The following PACS2 variants were observed in gnomAD, a reference collection of about 807,000 sequenced individuals.
The protein encoded by PACS2 is phosphofurin acidic cluster sorting protein 2, also known as PACS1-like protein.
A neutral mutation model predicts 113.0 loss-of-function variants in PACS2; 36 were observed. The ratio of observed to expected loss-of-function variants is 0.32; its 90% CI spans 0.24 to 0.42. The LOEUF (loss-of-function observed/expected upper bound fraction) is 0.42. Among genes scored for constraint, PACS2 ranks in the 10% least tolerant of loss-of-function variants. The probability of loss-of-function intolerance (pLI) is 1.00; values close to 1 mark genes in which losing one functional copy is unlikely to be tolerated. For synonymous variants in PACS2, 589 were observed against 536.1 expected, an observed-to-expected ratio of 1.10 and a Z score of -1.36; for missense variants, 1,015 against 1,239.5, an observed-to-expected ratio of 0.82 and a Z score of 2.72.
chr14:105,324,117 A>G lies in PACS2; in HGVS notation c.119+9080A>G, dbSNP rs1466438277. On this transcript the variant is annotated intron_variant, in intron 1 of 24. Transcript: ENST00000447393. The surrounding 1 kb of genome is among the most constrained non-coding windows in gnomAD (Gnocchi z 4.7). ...AAGGATGCTTTCCTTGGATCTGGGC[A>G]CTAGAACCAGCCCTTTCCCTCTCTC... Among the ~76,000 whole-genome samples, 1 of 152,182 alleles carries G rather than the reference A, an allele frequency of 6.6e-6. No individual in the cohort carries two copies. The highest frequency in any genetic ancestry group is 1.5e-5 in the Non-Finnish European group (1 of 68,034).
chr14:105,392,928 C>G (rs1374082371), intron 23 of PACS2, 83 bp downstream of exon 23: 8 of 1,156,574 alleles, frequency 6.9e-6, no homozygotes, highest in Non-Finnish European at 1.0e-5. Context: ...ACAGGGATGA[C>G]AGCCCCCGGG....
At position 105,358,810 on chromosome 14, in the gene PACS2, G is replaced by T. The variant is rs1178373232; in HGVS notation, c.423+3633G>T. Among the ~76,000 whole-genome samples, 6 of 152,180 alleles carry T rather than the reference G, an allele frequency of 3.9e-5. No individual in the cohort carries two copies. The highest frequency in any genetic ancestry group is 1.4e-4 in the African/African-American group (6 of 41,432). On this transcript the variant is annotated intron_variant, in intron 4 of 24. Coordinates refer to ENST00000447393, the MANE Select transcript of PACS2 (RefSeq NM_001100913.3). This position sits in a 1 kb window ranked among gnomAD's most constrained non-coding sequence, Gnocchi z 4.9. The stretch of plus-strand genomic sequence containing the variant: ...ATGGTGGGACACAGGAAGACCTCAG[G>T]GTAAGGACAGCGCGGGAGCGTCACC...
At chr14:105,319,494 T>G (rs999015344) in intron 1 of PACS2, among the ~76,000 whole-genome samples, 1 of 152,272 alleles carries the variant, frequency 6.6e-6, no homozygotes, top group African/African-American at 2.4e-5. Flanking sequence ...AGTCAGCTTT[T>G]TATTATGTTT....
intron 1 of PACS2, among the ~76,000 whole-genome samples, chr14:105,347,812 C>G (rs587669196): frequency 6.6e-6 from 1 of 152,172 alleles, no homozygotes; most frequent in African/African-American, 2.4e-5. Flanking sequence ...GATTTGGAGC[C>G]CTGGCGCGTG....
At chr14:105,382,965 T>G (rs1334432057) in intron 15 of PACS2, 52 bp downstream of exon 15, 1 of 1,076,338 alleles carries the variant, frequency 9.3e-7, no homozygotes, top group African/African-American at 1.5e-5. Flanking sequence ...TCGGGGTCCC[T>G]GCACCCCCAC....
chr14:105,331,369 A>G (rs57000673), intron 1 of PACS2, among the ~76,000 whole-genome samples: 1 of 151,972 alleles, frequency 6.6e-6, no homozygotes, highest in Non-Finnish European at 1.5e-5. Context: ...TCCTCTCCTA[A>G]GTTTTGTTAT....
chr14:105,383,265 G>A (rs587627672), intron 15 of PACS2, 94 bp from the exon 16 acceptor site: 948 of 1,424,878 alleles, frequency 6.7e-4, no homozygotes, highest in African/African-American at 5.8e-3. Flanking sequence ...CCACAGGCAC[G>A]GAGCCCCCTG....
At chr14:105,367,972 C>T (rs2060999159) in intron 5 of PACS2, 102 bp from the exon 6 acceptor site, 6 of 774,496 alleles carry the variant, frequency 7.7e-6, no homozygotes, top group South Asian at 4.3e-5. Flanking sequence ...TCCACCTCCT[C>T]GCTGCCCCCA....
rs1409773360 is a variant in PACS2, at chr14:105,317,929, T to C, written c.119+2892T>C. ...CGGGTTTCCTTGCGACGCTTTTGGCTCAGCACTGTTACACACGGTGCTCCT... is the reference window on the plus strand; with the variant it reads ...CGGGTTTCCTTGCGACGCTTTTGGCCCAGCACTGTTACACACGGTGCTCCT... On this transcript the variant is annotated intron_variant, in intron 1 of 24. Coordinates refer to ENST00000447393, the MANE Select transcript of PACS2 (RefSeq NM_001100913.3). This position sits in a 1 kb window ranked among gnomAD's most constrained non-coding sequence, Gnocchi z 4.2. Among the ~76,000 whole-genome samples, 1 of 152,164 alleles carries C rather than the reference T, an allele frequency of 6.6e-6. No homozygotes were observed. The highest frequency in any genetic ancestry group is 1.5e-5 in the Non-Finnish European group (1 of 68,036).
chr14:105,340,932 C>T lies in PACS2; in HGVS notation c.120-7561C>T, dbSNP rs1375850656. 1.3e-5 allele frequency among the ~76,000 whole-genome samples: 2 copies of T among 152,244 alleles called. No homozygotes were observed. Among genetic ancestry groups the T allele is most frequent in the Non-Finnish European group, 2.9e-5 (2 of 68,046 alleles). On this transcript the variant is annotated intron_variant, in intron 1 of 24. Coordinates refer to ENST00000447393, the MANE Select transcript of PACS2 (RefSeq NM_001100913.3). The surrounding 1 kb of genome is among the most constrained non-coding windows in gnomAD (Gnocchi z 4.2). ...GGCTGCTTGCTCAGCACCCTTGCCC[C>T]GTCTCTGGCCACGTAGCCGTCACCC...
In PACS2 at chr14:105,324,549, C is replaced by T. The variant is rs1395411962; in HGVS notation, c.119+9512C>T. ...TCTGAGAGGCAGCCCTAAAAATAGC[C>T]GAGCGCTGAGAGGCCGTCCCTTTCT... On this transcript the variant is annotated intron_variant, in intron 1 of 24. Transcript: ENST00000447393. This position sits in a 1 kb window ranked among gnomAD's most constrained non-coding sequence, Gnocchi z 4.7. Among the ~76,000 whole-genome samples the T allele has an allele frequency of 2.0e-5, 3 of 152,198 alleles. No individual in the cohort carries two copies. The highest frequency in any genetic ancestry group is 1.9e-4 in the East Asian group (1 of 5,192).
Position 105,384,576 on chromosome 14 carries a change from G to A in PACS2, c.1891+113G>A, listed in dbSNP as rs116390889. On this transcript the variant is annotated intron_variant, in intron 17 of 24. Coordinates refer to ENST00000447393, the MANE Select transcript of PACS2 (RefSeq NM_001100913.3). The stretch of plus-strand genomic sequence containing the variant: ...CCTGCTCAGGCTCAGCCTCAGGGAA[G>A]AGGCCATGGACAGGGCCTGCTGGGG... 5.4e-4 allele frequency: 374 copies of A among 687,024 alleles called. 3 individuals carry two copies. In the African/African-American group the frequency reaches 6.1e-3, roughly 11 times the overall value. 42.6% of individuals were successfully genotyped at this position (687,024 alleles called of 1,614,324 possible). A position where few individuals can be genotyped will look rare whatever the true frequency, so the allele number is the denominator to read the frequency against.
intron 1 of PACS2, among the ~76,000 whole-genome samples, chr14:105,326,419 C>T (rs759626696): frequency 1.3e-4 from 20 of 152,218 alleles, no homozygotes; most frequent in Non-Finnish European, 2.5e-4. Flanking sequence ...GGCAGGAGGC[C>T]GATGCCCTGC....
chr14:105,307,200 G>A (rs587628197), intron 1 of PACS2, among the ~76,000 whole-genome samples: 4 of 152,040 alleles, frequency 2.6e-5, no homozygotes, highest in South Asian at 4.2e-4. Context: ...TTGAGCCACC[G>A]TGCAGGCTGA....
In PACS2 at chr14:105,369,955, C is replaced by T. The variant is rs587762685; in HGVS notation, c.801+55C>T. On this transcript the variant is annotated intron_variant, in intron 8 of 24. Coordinates refer to ENST00000447393, the MANE Select transcript of PACS2 (RefSeq NM_001100913.3). ...CCCCACGCCTGCAACAGCACCTGGT[C>T]GGGAGGAGGCCTCTGGGGTCTGTCT... The T allele has an allele frequency of 6.3e-5, 92 of 1,460,130 alleles. No individual in the cohort carries two copies. In the East Asian group the frequency reaches 1.5e-3, roughly 24 times the overall value. 90.4% of individuals were successfully genotyped at this position (1,460,130 alleles called of 1,614,324 possible). A position where few individuals can be genotyped will look rare whatever the true frequency, so the allele number is the denominator to read the frequency against.
chr14:105,384,930 C>T lies in PACS2; in HGVS notation c.1943C>T (p.Ala648Val), dbSNP rs1555413202. 1.2e-6 allele frequency: 2 copies of T among 1,601,546 alleles called. No individual in the cohort carries two copies. The highest frequency in any genetic ancestry group is 2.3e-5 in the East Asian group (1 of 44,386). Residue 648 changes from alanine (A) to valine (V), a missense_variant, in exon 18 of 25, where the codon GCC (alanine) becomes GTC (valine). Ala to Val is a moderately conservative substitution (Grantham distance 64). Coordinates refer to ENST00000447393, the MANE Select transcript of PACS2 (RefSeq NM_001100913.3). ...CGCATCACGCAGTACATCGCAGGGG[C>T]CAACTGTGCCCACCAGCTCCCCATC... ...VSRITQYIAGANCAHQLPIAE... is the reference protein window; with the variant it reads ...VSRITQYIAGVNCAHQLPIAE...
At chr14:105,353,645 C>G (rs1474587985) in intron 3 of PACS2, among the ~76,000 whole-genome samples, 4 of 151,838 alleles carry the variant, frequency 2.6e-5, no homozygotes, top group Non-Finnish European at 4.4e-5. Context: ...TCCTTGTCAC[C>G]CAGGCTGGTG....
In PACS2 at chr14:105,355,012, C is replaced by A; in HGVS notation, c.298-40C>A. On this transcript the variant is annotated intron_variant, in intron 3 of 24. Transcript: ENST00000447393. This position sits in a 1 kb window ranked among gnomAD's most constrained non-coding sequence, Gnocchi z 4.1. Reference sequence around the variant, plus strand: ...AGAGGCCGTGATGCTGCCTGGGGCCCCGGTGCACCCTCAGCTGCCACTCGC... The same window carrying A: ...AGAGGCCGTGATGCTGCCTGGGGCCACGGTGCACCCTCAGCTGCCACTCGC... 6.2e-7 allele frequency: 1 copy of A among 1,603,714 alleles called. No individual in the cohort carries two copies.
intron 1 of PACS2, among the ~76,000 whole-genome samples, chr14:105,327,343 C>T (rs11627121): frequency 0.016 from 2,495 of 152,328 alleles, 25 homozygotes; most frequent in Non-Finnish European, 0.024. Flanking sequence ...CTACTGCCTG[C>T]TGCGCTGACT....
Sources: gnomAD v4.1 joint callset for allele counts (sites outside exome capture counted in the v4.1 genomes callset) on GRCh38, gnomAD v4.1.1 for gene constraint, Gnocchi (gnomAD v3.1) non-coding constraint, MANE v1.5 for transcripts, NCBI Gene and HGNC (gene_info 2026-07-23, HGNC 2026-07-21) for gene names.